COL5A1: variants seen among roughly 807,000 people sequenced by gnomAD.
The protein encoded by COL5A1 is collagen type V alpha 1 chain.
Under a neutral mutation model 263.7 loss-of-function variants are expected in COL5A1, and 16 were observed. That is an observed-to-expected ratio of 0.06 (90% CI 0.04 to 0.09). COL5A1 has a LOEUF of 0.09. Ranked by LOEUF, COL5A1 falls within the 10% of genes least tolerant of loss-of-function variation. The pLI, the probability that COL5A1 is intolerant of heterozygous loss-of-function variation, is 1.00. For synonymous variants in COL5A1, 1,012 were observed against 1,004.5 expected (o/e 1.01, Z -0.14); for missense variants, 2,036 against 2,540.5 (o/e 0.80, Z 4.27).
rs148809103 is a variant in COL5A1 at position 134,786,308 on chromosome 9, A to G, written c.2646+260A>G. Among the ~76,000 whole-genome samples the G allele has an allele frequency of 0.011, 1,651 of 152,266 alleles. 27 individuals are homozygous for G. The highest frequency in any genetic ancestry group is 0.037 in the African/African-American group (1,542 of 41,544). On this transcript the variant is annotated intron_variant, in intron 31 of 65. Transcript: ENST00000371817. Reference sequence around the variant, plus strand: ...GGCCGTCTCCACCCTGCACAGGTTCATCCACTCCCCATCCTTGGGGGCGTG... The same window carrying G: ...GGCCGTCTCCACCCTGCACAGGTTCGTCCACTCCCCATCCTTGGGGGCGTG...
chr9:134,840,416 C>A (rs1839986746), intron 65 of COL5A1, among the ~76,000 whole-genome samples: 4 of 152,204 alleles, frequency 2.6e-5, no homozygotes, highest in Admixed American at 2.0e-4. Context: ...CACAGCGCCT[C>A]TGTGATGTGA....
chr9:134,819,451 C>T (rs1838903733), intron 57 of COL5A1, among the ~76,000 whole-genome samples: 1 of 152,218 alleles, frequency 6.6e-6, no homozygotes, highest in Non-Finnish European at 1.5e-5. Context: ...TTTCTAACTG[C>T]TGGGAATTGT....
chr9:134,799,707 C>G (rs1172270480), intron 37 of COL5A1, among the ~76,000 whole-genome samples: 1 of 152,196 alleles, frequency 6.6e-6, no homozygotes, highest in East Asian at 1.9e-4. Context: ...CACTGGTGTT[C>G]TGCACGGCGC....
chr9:134,834,247 C>T (rs773537596), intron 64 of COL5A1, among the ~76,000 whole-genome samples: 14 of 152,292 alleles, frequency 9.2e-5, no homozygotes, highest in Admixed American at 3.9e-4. Context: ...CCCGACCCAG[C>T]GATCGGGTGC....
Position 134,642,335 on chromosome 9 carries a change from G to A in COL5A1, c.109+39G>A, listed in dbSNP as rs1831320862. 3.5e-6 allele frequency: 2 copies of A among 568,048 alleles called. No homozygotes were observed. The highest frequency in any genetic ancestry group is 4.9e-6 in the Non-Finnish European group (2 of 410,846). The allele number at this position is 568,048 out of a possible 1,614,324, so 35.2% of individuals were successfully genotyped here. Reference sequence around the variant, plus strand: ...GGGGCGCGGGGCTGCGGGATGGGGCGCGCGCAGCCCGGGCGCCGCTGTCAT... The same window carrying A: ...GGGGCGCGGGGCTGCGGGATGGGGCACGCGCAGCCCGGGCGCCGCTGTCAT... On this transcript the variant is annotated intron_variant, in intron 1 of 65. Coordinates refer to ENST00000371817, the MANE Select transcript of COL5A1 (RefSeq NM_000093.5). The surrounding 1 kb of genome is among the most constrained non-coding windows in gnomAD (Gnocchi z 4.5).
At chr9:134,679,752 C>G (rs981608395) in intron 1 of COL5A1, among the ~76,000 whole-genome samples, 6 of 147,662 alleles carry the variant, frequency 4.1e-5, no homozygotes, top group Non-Finnish European at 8.9e-5. Context: ...TTAAGGGGCA[C>G]TGTGGGGCTG....
intron 4 of COL5A1, among the ~76,000 whole-genome samples, 196 bp from the exon 5 acceptor site, chr9:134,727,070 T>TGGATGGATGGATGGATGGAC (rs139171326): frequency 6.6e-6 from 1 of 151,252 alleles, no homozygotes; most frequent in Non-Finnish European, 1.5e-5. Flanking sequence ...GATGGATGGA[T>TGGATGGATGGATGGATGGAC]GGATGGATGG....
intron 57 of COL5A1, 56 bp downstream of exon 57, chr9:134,819,109 C>T (rs1838888982): frequency 1.9e-6 from 3 of 1,569,346 alleles, no homozygotes; most frequent in African/African-American, 1.3e-5. Flanking sequence ...AAATTTGTGG[C>T]CGTGGGTCTC....
chr9:134,831,470 A>AGAAG (rs1234830876), intron 64 of COL5A1, among the ~76,000 whole-genome samples: 2 of 152,140 alleles, frequency 1.3e-5, no homozygotes. Flanking sequence ...GCTGGCATAC[A>AGAAG]GAAGGACCTG....
intron 44 of COL5A1, 102 bp from the exon 45 acceptor site, chr9:134,811,237 C>T (rs945098909): frequency 5.6e-5 from 56 of 1,000,258 alleles, no homozygotes; most frequent in African/African-American, 5.5e-4. Flanking sequence ...GAACTGACGA[C>T]GTTGGATGCA....
intron 11 of COL5A1, among the ~76,000 whole-genome samples, chr9:134,743,903 G>A (rs539091377): frequency 1.3e-5 from 2 of 152,326 alleles, no homozygotes; most frequent in East Asian, 3.9e-4. Flanking sequence ...GCCAGAAAGT[G>A]TGGCTCACCT....
intron 11 of COL5A1, among the ~76,000 whole-genome samples, chr9:134,744,353 G>A (rs573197062): frequency 7.9e-5 from 11 of 139,894 alleles, no homozygotes; most frequent in South Asian, 7.0e-4. Context: ...CTACGTGCAC[G>A]CACTCATGCA....
At chr9:134,788,096 G>C (rs1238909614) in intron 31 of COL5A1, among the ~76,000 whole-genome samples, 1 of 152,028 alleles carries the variant, frequency 6.6e-6, no homozygotes, top group Admixed American at 6.5e-5. Context: ...AAGAGAGGTG[G>C]ATGAATGGAT....
chr9:134,752,549 G>A (rs1455370672), intron 13 of COL5A1, 40 bp from the exon 14 acceptor site: 17 of 1,558,672 alleles, frequency 1.1e-5, no homozygotes, highest in Non-Finnish European at 1.5e-5. Context: ...GAGCACTGCT[G>A]CTGGGGCCCT....
chr9:134,744,613 A>G (rs1207270072), intron 11 of COL5A1, among the ~76,000 whole-genome samples: 1 of 151,688 alleles, frequency 6.6e-6, no homozygotes, highest in Non-Finnish European at 1.5e-5. Flanking sequence ...CCACACCTGC[A>G]CACACACTCA....
At position 134,716,320 on chromosome 9, in the gene COL5A1, G is replaced by C. The variant is rs1834259143; in HGVS notation, c.655-10946G>C. Reference sequence around the variant, plus strand: ...GCCTCCTGTGGTCAGTGCCTTCCCTGTGCCATTCTTCTCGGGCAGTGCTGC... The same window carrying C: ...GCCTCCTGTGGTCAGTGCCTTCCCTCTGCCATTCTTCTCGGGCAGTGCTGC... On this transcript the variant is annotated intron_variant, in intron 4 of 65. Coordinates refer to ENST00000371817, the MANE Select transcript of COL5A1 (RefSeq NM_000093.5). This position sits in a 1 kb window ranked among gnomAD's most constrained non-coding sequence, Gnocchi z 4.5. Among the ~76,000 whole-genome samples the C allele has an allele frequency of 6.6e-6, 1 of 152,220 alleles. No homozygotes were observed. The highest frequency in any genetic ancestry group is 1.5e-5 in the Non-Finnish European group (1 of 68,040).
At chr9:134,663,483 A>T (rs1329273289) in intron 1 of COL5A1, among the ~76,000 whole-genome samples, 1 of 152,190 alleles carries the variant, frequency 6.6e-6, no homozygotes, top group Non-Finnish European at 1.5e-5. Flanking sequence ...TGGGCACTTG[A>T]GGGGGGAGGA....
At chr9:134,661,202 G>A (rs574798708) in intron 1 of COL5A1, among the ~76,000 whole-genome samples, 154 of 151,780 alleles carry the variant, frequency 1.0e-3, no homozygotes, top group African/African-American at 3.5e-3. Flanking sequence ...CACTATTCTC[G>A]GTGCTGCATC....
At position 134,642,206 on chromosome 9, in the gene COL5A1, T is replaced by C. The variant is rs1317496381; in HGVS notation, c.19T>C (p.Trp7Arg). The C allele has an allele frequency of 3.8e-6, 5 of 1,304,352 alleles. No individual in the cohort carries two copies. Among genetic ancestry groups the C allele is most frequent in the Non-Finnish European group, 4.9e-6 (5 of 1,024,396 alleles). 80.8% of individuals were successfully genotyped at this position (1,304,352 alleles called of 1,614,324 possible). The change falls in exon 1 of 66, where the codon TGG becomes CGG. Residue 7 changes from tryptophan to arginine, a missense_variant. Physicochemically the swap from Trp to Arg is moderately radical, Grantham distance 101. This residue lies in a region of COL5A1 where 600 missense variants were observed against 634.5 expected (regional missense o/e 0.95). Transcript: ENST00000371817. The surrounding 1 kb of genome is among the most constrained non-coding windows in gnomAD (Gnocchi z 4.5). Reference protein sequence around the residue: MDVHTRWKARSALRPGA... With the variant: MDVHTRRKARSALRPGA... ...CGCCGGCATGGACGTCCATACCCGCTGGAAAGCGCGCAGCGCGCTCCGCCC... is the reference window on the plus strand; with the variant it reads ...CGCCGGCATGGACGTCCATACCCGCCGGAAAGCGCGCAGCGCGCTCCGCCC...
Sources: gnomAD v4.1 joint callset for allele counts (sites outside exome capture counted in the v4.1 genomes callset) on GRCh38, gnomAD v4.1.1 for gene constraint, gnomAD v4.1.1 regional missense constraint, Gnocchi (gnomAD v3.1) non-coding constraint, MANE v1.5 for transcripts, NCBI Gene and HGNC (gene_info 2026-07-23, HGNC 2026-07-21) for gene names.